Variants in CCDC91 observed in about 807,000 individuals in gnomAD.
CCDC91 encodes coiled-coil domain-containing protein 91.
In CCDC91, 48 loss-of-function variants were observed where a neutral mutation model predicts 63.2. The ratio of observed to expected loss-of-function variants is 0.76; its 90% CI spans 0.60 to 0.97. The LOEUF is 0.97. CCDC91 is among the 50% of genes least tolerant of loss of function. The pLI is 0.00. For missense variants in CCDC91, 500 were observed against 494.6 expected (o/e 1.01, Z -0.10); for synonymous variants, 167 against 165.8 (o/e 1.01, Z -0.06).
At chr12:28,225,599 G>T (rs889587835) in intron 1 of CCDC91, among the ~76,000 whole-genome samples, 3 of 151,978 alleles carry the variant, frequency 2.0e-5, no homozygotes, top group African/African-American at 7.3e-5. Context: ...TGGATTACAG[G>T]CACCTGCTAC....
chr12:28,217,337 T>C (rs1235533825), intron 1 of CCDC91, among the ~76,000 whole-genome samples: 2 of 152,144 alleles, frequency 1.3e-5, no homozygotes, highest in African/African-American at 4.8e-5. Context: ...GCAAATGAGC[T>C]AAGTTTAGTT....
In CCDC91 at chr12:28,305,670, C is replaced by T. The variant is rs751252058; in HGVS notation, c.131C>T (p.Pro44Leu). 3 of 1,611,444 alleles carry T rather than the reference C, an allele frequency of 1.9e-6. No individual in the cohort carries two copies. The highest frequency in any genetic ancestry group is 2.5e-6 in the Non-Finnish European group (3 of 1,178,654). ...FPAVSGVHLS[P>L]SSPEIVLDRD... ...TTAGTATCTGGAGTCCATCTTTCAC[C>T]ATCTTCTCCTGAGATTGTACTGGAC... is the stretch of plus-strand genomic sequence containing the variant. Residue 44 changes from proline to leucine, a missense_variant, in exon 4 of 13, where the codon CCA becomes CTA. Physicochemically the swap from Pro to Leu is moderately conservative, Grantham distance 98. Coordinates refer to ENST00000536442, the MANE Select transcript of CCDC91 (RefSeq NM_018318.5).
At chr12:28,449,567 C>T (rs1949698726) in intron 8 of CCDC91, among the ~76,000 whole-genome samples, 1 of 151,888 alleles carries the variant, frequency 6.6e-6, no homozygotes, top group African/African-American at 2.4e-5. Flanking sequence ...TTCTGTAGCA[C>T]ATCAAAATAA....
chr12:28,495,764 T>A (rs530062833), intron 12 of CCDC91, among the ~76,000 whole-genome samples: 2 of 151,706 alleles, frequency 1.3e-5, no homozygotes, highest in Non-Finnish European at 3.0e-5. Flanking sequence ...TTCCTCATGC[T>A]CTTCATATTT....
intron 10 of CCDC91, among the ~76,000 whole-genome samples, chr12:28,450,646 C>T (rs1254296725): frequency 6.6e-6 from 1 of 151,718 alleles, no homozygotes; most frequent in Non-Finnish European, 1.5e-5. Context: ...TTATTAGTTA[C>T]TTATTATAAA....
chr12:28,540,985 A>G (rs1003311056), intron 12 of CCDC91, among the ~76,000 whole-genome samples: 1 of 152,096 alleles, frequency 6.6e-6, no homozygotes, highest in Non-Finnish European at 1.5e-5. Flanking sequence ...TTGAACTTTG[A>G]GATGACTAGA....
At chr12:28,212,116 A>G (rs1943273666) in intron 1 of CCDC91, among the ~76,000 whole-genome samples, 1 of 152,204 alleles carries the variant, frequency 6.6e-6, no homozygotes. Context: ...AGATCAGTGG[A>G]CACAAATGGG....
chr12:28,245,370 A>G (rs1401223180), intron 1 of CCDC91, among the ~76,000 whole-genome samples: 1 of 152,190 alleles, frequency 6.6e-6, no homozygotes, highest in African/African-American at 2.4e-5. Context: ...ATACTCAAAT[A>G]CAGATGGCTG....
chr12:28,338,901 C>T (rs1162178904), intron 6 of CCDC91, among the ~76,000 whole-genome samples: 7 of 151,978 alleles, frequency 4.6e-5, no homozygotes, highest in East Asian at 1.9e-4. Flanking sequence ...AGTGCAATGG[C>T]GCAATCTTGG....
At position 28,391,332 on chromosome 12, in the gene CCDC91, A is replaced by C; in HGVS notation, c.683A>C (p.Gln228Pro). 6.2e-7 allele frequency: 1 copy of C among 1,612,926 alleles called. No homozygotes were observed. The highest frequency in any genetic ancestry group is 8.5e-7 in the Non-Finnish European group (1 of 1,179,060). Residue 228 changes from glutamine to proline, a missense_variant, in exon 8 of 13, where the codon CAA becomes CCA. Gln to Pro is a moderately conservative substitution (Grantham distance 76, BLOSUM62 -1). Coordinates refer to ENST00000536442, the MANE Select transcript of CCDC91 (RefSeq NM_018318.5). ...CTACTGCAGTCTTCAGTTAAGCAAC[A>C]AGTAGAAGCTATTGAAAAACAGTAC... The part of the protein sequence containing the change: ...KALLQSSVKQ[Q>P]VEAIEKQYIS...
chr12:28,251,914 C>A (rs1366204050), intron 1 of CCDC91, among the ~76,000 whole-genome samples: 5 of 152,066 alleles, frequency 3.3e-5, no homozygotes, highest in African/African-American at 1.2e-4. Flanking sequence ...CTTTCCTAAT[C>A]CTATGTCTTT....
intron 3 of CCDC91, among the ~76,000 whole-genome samples, chr12:28,305,106 A>T (rs964751137): frequency 6.6e-6 from 1 of 152,122 alleles, no homozygotes; most frequent in African/African-American, 2.4e-5. Flanking sequence ...AGTTGTTTCA[A>T]AGTAATTGTT....
intron 6 of CCDC91, among the ~76,000 whole-genome samples, chr12:28,346,962 G>T (rs1007606309): frequency 6.6e-6 from 1 of 152,178 alleles, no homozygotes; most frequent in African/African-American, 2.4e-5. Context: ...ACACATAAAA[G>T]ACAACACTTT....
chr12:28,295,873 A>G (rs1304111542), intron 3 of CCDC91, among the ~76,000 whole-genome samples: 2 of 152,054 alleles, frequency 1.3e-5, no homozygotes, highest in Non-Finnish European at 2.9e-5. Context: ...CTTGCACTTC[A>G]GAAATTGCTT....
At chr12:28,341,706 T>A (rs925591277) in intron 6 of CCDC91, among the ~76,000 whole-genome samples, 1 of 151,710 alleles carries the variant, frequency 6.6e-6, no homozygotes, top group African/African-American at 2.4e-5. Flanking sequence ...TTCATCATCC[T>A]CATTATTTCT....
intron 12 of CCDC91, among the ~76,000 whole-genome samples, chr12:28,492,231 A>G (rs1191591737): frequency 2.0e-5 from 3 of 151,618 alleles, no homozygotes; most frequent in Admixed American, 1.3e-4. Context: ...TTTTCATTCT[A>G]TAAAGAAATG....
chr12:28,472,946 C>CT (rs966768211), intron 11 of CCDC91, among the ~76,000 whole-genome samples: 3 of 151,292 alleles, frequency 2.0e-5, no homozygotes, highest in East Asian at 1.9e-4. Context: ...AGAAGTCTTA[C>CT]TTTTTTTTTA....
At chr12:28,195,397 C>G (rs2121292138) in intron 1 of CCDC91, among the ~76,000 whole-genome samples, 1 of 152,280 alleles carries the variant, frequency 6.6e-6, no homozygotes, top group East Asian at 1.9e-4. Flanking sequence ...AAAAGTTCTC[C>G]AAGTCCCCAC....
rs1342823908 is a variant in CCDC91 at position 28,289,690 on chromosome 12, T to TC, written c.110-15959_110-15958insC. On this transcript the variant is annotated intron_variant, in intron 3 of 12. Transcript: ENST00000536442. ...GTGGAGAGTTCTTTTCTTTTCTTTTTTTTTTTTTTTTTTTTTTTGACGACG... is the reference window on the plus strand; with the variant it reads ...GTGGAGAGTTCTTTTCTTTTCTTTTTCTTTTTTTTTTTTTTTTTTGACGACG... Among the ~76,000 whole-genome samples, 16 of 84,600 alleles carry TC rather than the reference T, an allele frequency of 1.9e-4. No individual in the cohort carries two copies. The South Asian group carries it at 2.7e-3, about 14-fold the overall frequency. 55.5% of individuals were successfully genotyped at this position (84,600 alleles called of 152,430 possible). A position where few individuals can be genotyped will look rare whatever the true frequency, so the allele number is the denominator to read the frequency against.
Sources: gnomAD v4.1 joint callset for allele counts (sites outside exome capture counted in the v4.1 genomes callset) on GRCh38, gnomAD v4.1.1 for gene constraint, MANE v1.5 for transcripts, NCBI Gene and HGNC (gene_info 2026-07-23, HGNC 2026-07-21) for gene names.